Variants in SLC8A1 observed in about 807,000 individuals in gnomAD.
SLC8A1 encodes the protein solute carrier family 8 member A1.
In SLC8A1, 18 loss-of-function variants were observed where a neutral mutation model predicts 68.3. The ratio of observed to expected loss-of-function variants is 0.26; its 90% CI spans 0.18 to 0.39. The LOEUF is 0.39. Among genes scored for constraint, SLC8A1 ranks in the 10% least tolerant of loss-of-function variants. The pLI, the probability that SLC8A1 is intolerant of heterozygous loss-of-function variation, is 1.00. For missense variants in SLC8A1, 985 were observed against 1,156.7 expected, an observed-to-expected ratio of 0.85 and a Z score of 2.15; for synonymous variants, 475 against 415.5, an observed-to-expected ratio of 1.14 and a Z score of -1.74.
At chr2:40,222,554 C>T (rs1258144242) in intron 2 of SLC8A1, among the ~76,000 whole-genome samples, 2 of 152,132 alleles carry the variant, frequency 1.3e-5, no homozygotes, top group Non-Finnish European at 2.9e-5. Flanking sequence ...AAAGCTTCTG[C>T]ACAGCAAAAG....
intron 7 of SLC8A1, among the ~76,000 whole-genome samples, chr2:40,129,366 G>C (rs1396061112): frequency 6.6e-6 from 1 of 151,156 alleles, no homozygotes; most frequent in Non-Finnish European, 1.5e-5. Flanking sequence ...GAGTAGCTGG[G>C]ACAACAGGTG....
rs1665798649 is a variant in SLC8A1, at chr2:40,335,847, A to T, written c.1808+92626T>A. ...GCTCTTTGGGAACCTGATCCAATTT[A>T]TATCAGTGGAATGAGCCTATCAGAG... On this transcript the variant is annotated intron_variant, in intron 2 of 7. Transcript: ENST00000406785. 2.0e-5 allele frequency among the ~76,000 whole-genome samples: 3 copies of T among 152,252 alleles called. No homozygotes were observed. In the South Asian group the frequency reaches 6.2e-4, roughly 31 times the overall value.
chr2:40,346,694 A>G (rs1669433433), intron 2 of SLC8A1, among the ~76,000 whole-genome samples: 2 of 152,190 alleles, frequency 1.3e-5, no homozygotes, highest in African/African-American at 4.8e-5. Flanking sequence ...TGAGTGCCAA[A>G]CAGAGAAGAA....
chr2:40,368,497 C>G (rs749680974), intron 2 of SLC8A1, among the ~76,000 whole-genome samples: 11 of 151,866 alleles, frequency 7.2e-5, no homozygotes, highest in Non-Finnish European at 1.3e-4. Flanking sequence ...GGATTTACCA[C>G]TTTTTATTTA....
chr2:40,499,052 G>A (rs1705888230), intron 1 of SLC8A1, among the ~76,000 whole-genome samples: 1 of 152,038 alleles, frequency 6.6e-6, no homozygotes, highest in Admixed American at 6.6e-5. Flanking sequence ...AAAGAAACTG[G>A]AGCCACAGAG....
chr2:40,140,239 A>C (rs555064267), intron 6 of SLC8A1, among the ~76,000 whole-genome samples: 3 of 152,184 alleles, frequency 2.0e-5, no homozygotes, highest in Non-Finnish European at 2.9e-5. Flanking sequence ...TTACTTGCCA[A>C]ATAATTATAT....
At chr2:40,447,601 AAAAAAAAG>A in intron 1 of SLC8A1, among the ~76,000 whole-genome samples, 1 of 152,048 alleles carries the variant, frequency 6.6e-6, no homozygotes, top group Admixed American at 6.5e-5. Context: ...AAAAAAAAAA[AAAAAAAAG>A]AAAGAACATA....
chr2:40,134,227 G>A (rs1177753291), intron 7 of SLC8A1, among the ~76,000 whole-genome samples: 1 of 151,980 alleles, frequency 6.6e-6, no homozygotes, highest in African/African-American at 2.4e-5. Context: ...GAACAGCTGG[G>A]ATTACAGGTG....
exon 8 of SLC8A1, chr2:40,106,654 C>T (rs1050756638): frequency 3.9e-5 from 6 of 152,140 alleles, no homozygotes; most frequent in African/African-American, 1.4e-4. Context: ...GAGTTTTGGA[C>T]TGAAACTTCA....
At chr2:40,145,634 C>A (rs1328006391) in intron 6 of SLC8A1, among the ~76,000 whole-genome samples, 11 of 151,988 alleles carry the variant, frequency 7.2e-5, no homozygotes, top group Non-Finnish European at 1.2e-4. Context: ...CTGAGAGAAT[C>A]GTAAAGAATA....
intron 2 of SLC8A1, among the ~76,000 whole-genome samples, chr2:40,341,880 C>T (rs1667805632): frequency 6.6e-6 from 1 of 152,106 alleles, no homozygotes; most frequent in African/African-American, 2.4e-5. Flanking sequence ...AGTAGATTTA[C>T]CTTTAAGCAA....
At chr2:40,143,193 C>T (rs1014669961) in intron 6 of SLC8A1, among the ~76,000 whole-genome samples, 3 of 152,144 alleles carry the variant, frequency 2.0e-5, no homozygotes, top group African/African-American at 7.2e-5. Context: ...CACGGACTGC[C>T]ATGCATGATG....
At chr2:40,124,919 T>C (rs1476604494) in intron 7 of SLC8A1, among the ~76,000 whole-genome samples, 1 of 152,244 alleles carries the variant, frequency 6.6e-6, no homozygotes, top group Non-Finnish European at 1.5e-5. Context: ...ATTTGCTATA[T>C]ATCTGTATAC....
chr2:40,162,818 T>C (rs2045913421), intron 5 of SLC8A1, among the ~76,000 whole-genome samples: 1 of 152,114 alleles, frequency 6.6e-6, no homozygotes, highest in Non-Finnish European at 1.5e-5. Context: ...TGGGTGTTAG[T>C]AAAACCAGGT....
At chr2:40,502,649 T>C (rs1049771388) in intron 1 of SLC8A1, among the ~76,000 whole-genome samples, 1 of 152,086 alleles carries the variant, frequency 6.6e-6, no homozygotes, top group Admixed American at 6.6e-5. Flanking sequence ...AATACTTTCA[T>C]GTGACTTTGA....
intron 2 of SLC8A1, among the ~76,000 whole-genome samples, chr2:40,400,453 C>A (rs1343749509): frequency 6.6e-6 from 1 of 152,178 alleles, no homozygotes; most frequent in Non-Finnish European, 1.5e-5. Context: ...TCAAAATGTT[C>A]CTGGCAACGT....
intron 1 of SLC8A1, among the ~76,000 whole-genome samples, chr2:40,475,836 T>C (rs1281347053): frequency 6.6e-6 from 1 of 152,110 alleles, no homozygotes; most frequent in Non-Finnish European, 1.5e-5. Flanking sequence ...TTCTCTTAGA[T>C]CATTACCTAA....
At chr2:40,182,616 C>G (rs1402645263) in intron 2 of SLC8A1, among the ~76,000 whole-genome samples, 1 of 152,174 alleles carries the variant, frequency 6.6e-6, no homozygotes, top group East Asian at 1.9e-4. Flanking sequence ...TACTTTACTT[C>G]CCAGTCTCTC....
intron 1 of SLC8A1, among the ~76,000 whole-genome samples, chr2:40,487,083 C>T (rs74690136): frequency 6.6e-6 from 1 of 151,838 alleles, no homozygotes; most frequent in Non-Finnish European, 1.5e-5. Context: ...GCATCGAATC[C>T]CTTTTGAGCA....
Sources: allele counts gnomAD v4.1 joint callset (sites outside exome capture counted in the v4.1 genomes callset), GRCh38; gene constraint gnomAD v4.1.1; transcripts MANE v1.5; gene names NCBI Gene and HGNC (gene_info 2026-07-23, HGNC 2026-07-21).